SDCCAG8: variants seen among roughly 807,000 people sequenced by gnomAD.
SDCCAG8 encodes serologically defined colon cancer antigen 8.
In SDCCAG8, 74 loss-of-function variants were observed where a neutral mutation model predicts 101.8. The observed-to-expected ratio is 0.73, with a 90% CI of 0.60 to 0.88. The LOEUF (loss-of-function observed/expected upper bound fraction) is 0.88. Ranked by LOEUF, SDCCAG8 falls within the 40% of genes least tolerant of loss-of-function variation. The pLI, the probability that SDCCAG8 is intolerant of heterozygous loss-of-function variation, is 0.00. For synonymous variants in SDCCAG8, 281 were observed against 292.9 expected (o/e 0.96, Z 0.41); for missense variants, 787 against 822.6 (o/e 0.96, Z 0.53).
At chr1:243,448,690 T>C (rs975619062) in intron 16 of SDCCAG8, among the ~76,000 whole-genome samples, 1 of 152,190 alleles carries the variant, frequency 6.6e-6, no homozygotes, top group African/African-American at 2.4e-5. Context: ...GACAGCAGTT[T>C]GCTCAAATGT....
At chr1:243,314,545 T>C (rs1438065014) in intron 8 of SDCCAG8, among the ~76,000 whole-genome samples, 1 of 152,216 alleles carries the variant, frequency 6.6e-6, no homozygotes, top group Admixed American at 6.5e-5. Flanking sequence ...TTCTTGTTGT[T>C]TATTCTGTTG....
chr1:243,283,401 T>A (rs2069251495), intron 4 of SDCCAG8, among the ~76,000 whole-genome samples: 1 of 146,794 alleles, frequency 6.8e-6, no homozygotes, highest in African/African-American at 2.5e-5. Context: ...CCCTGTTTAT[T>A]TATATATATA....
intron 17 of SDCCAG8, among the ~76,000 whole-genome samples, chr1:243,497,226 A>C (rs1053369059): frequency 2.6e-5 from 4 of 152,102 alleles, no homozygotes; most frequent in Admixed American, 1.3e-4. Context: ...GTGTGTTACC[A>C]AAGAGTCAGC....
intron 9 of SDCCAG8, among the ~76,000 whole-genome samples, chr1:243,319,965 T>C (rs2073612238): frequency 6.6e-6 from 1 of 152,168 alleles, no homozygotes. Flanking sequence ...GCATTCTTTC[T>C]TTTTATCTCT....
In SDCCAG8 at chr1:243,499,872, G is replaced by A; in HGVS notation, c.*87G>A. ...GACTTAATATGCCACAACGCACCACGACCTTCCCAGGGTGACACCGCCTCA... is the reference window on the plus strand; with the variant it reads ...GACTTAATATGCCACAACGCACCACAACCTTCCCAGGGTGACACCGCCTCA... On this transcript the variant is annotated 3_prime_UTR_variant, in exon 18 of 18. Coordinates refer to ENST00000366541, the MANE Select transcript of SDCCAG8 (RefSeq NM_006642.5). The A allele has an allele frequency of 3.8e-6, 5 of 1,316,998 alleles. No homozygotes were observed. Among genetic ancestry groups the A allele is most frequent in the Admixed American group, 1.7e-5 (1 of 57,822 alleles). 81.6% of individuals were successfully genotyped at this position (1,316,998 alleles called of 1,614,324 possible). A position where few individuals can be genotyped will look rare whatever the true frequency, so the allele number is the denominator to read the frequency against.
At chr1:243,328,197 C>T (rs2074339356) in intron 9 of SDCCAG8, among the ~76,000 whole-genome samples, 3 of 151,994 alleles carry the variant, frequency 2.0e-5, no homozygotes, top group South Asian at 2.1e-4. Flanking sequence ...CCACTGTGCC[C>T]GGCCTTAGAA....
chr1:243,402,131 T>A (rs7532976), intron 13 of SDCCAG8, among the ~76,000 whole-genome samples: 1 of 152,088 alleles, frequency 6.6e-6, no homozygotes, highest in Non-Finnish European at 1.5e-5. Context: ...AACCACATTT[T>A]AAAAAGTAAA....
intron 9 of SDCCAG8, among the ~76,000 whole-genome samples, chr1:243,323,103 C>T (rs1252853337): frequency 6.6e-6 from 1 of 151,656 alleles, no homozygotes; most frequent in African/African-American, 2.4e-5. Context: ...CCACTGCACT[C>T]CAGCCTGGCA....
chr1:243,333,919 A>C (rs899621918), intron 10 of SDCCAG8, among the ~76,000 whole-genome samples: 1 of 151,860 alleles, frequency 6.6e-6, no homozygotes, highest in Non-Finnish European at 1.5e-5. Context: ...AATTCCATGT[A>C]TATATAGCCT....
intron 3 of SDCCAG8, among the ~76,000 whole-genome samples, chr1:243,272,953 G>A: frequency 6.6e-6 from 1 of 152,140 alleles, no homozygotes; most frequent in South Asian, 2.1e-4. Context: ...GCCCTTCAAA[G>A]TAGACACAAA....
chr1:243,290,033 G>A (rs755983226), intron 5 of SDCCAG8, among the ~76,000 whole-genome samples: 1 of 151,810 alleles, frequency 6.6e-6, no homozygotes, highest in Non-Finnish European at 1.5e-5. Flanking sequence ...ATTTCCTCAT[G>A]GAAAGCTTTT....
At chr1:243,390,040 T>C (rs2078606706) in intron 13 of SDCCAG8, among the ~76,000 whole-genome samples, 1 of 152,224 alleles carries the variant, frequency 6.6e-6, no homozygotes. Context: ...GAACTCATCT[T>C]AAGATAACAA....
At chr1:243,420,229 C>T (rs910999188) in intron 15 of SDCCAG8, among the ~76,000 whole-genome samples, 2 of 152,184 alleles carry the variant, frequency 1.3e-5, no homozygotes, top group African/African-American at 4.8e-5. Context: ...CCCCAAACCT[C>T]AGCTTCTCCT....
chr1:243,460,608 A>G (rs1658880233), intron 16 of SDCCAG8, among the ~76,000 whole-genome samples: 1 of 152,210 alleles, frequency 6.6e-6, no homozygotes, highest in African/African-American at 2.4e-5. Flanking sequence ...TTCACAAGCT[A>G]TAGGTAGAGC....
At chr1:243,378,541 C>A (rs765559588) in intron 12 of SDCCAG8, among the ~76,000 whole-genome samples, 180 bp from the exon 13 acceptor site, 1 of 152,076 alleles carries the variant, frequency 6.6e-6, no homozygotes, top group Non-Finnish European at 1.5e-5. Flanking sequence ...CAAAATAAAA[C>A]CTCATTCATG....
chr1:243,493,962 C>T (rs568733538), intron 17 of SDCCAG8, among the ~76,000 whole-genome samples: 246 of 152,088 alleles, frequency 1.6e-3, no homozygotes, highest in Non-Finnish European at 1.5e-3. Context: ...GGCTGCAAGG[C>T]GGAGCTGCTG....
chr1:243,370,904 A>G (rs573336367), intron 12 of SDCCAG8, among the ~76,000 whole-genome samples: 48 of 152,272 alleles, frequency 3.2e-4, no homozygotes, highest in African/African-American at 1.1e-3. Context: ...AAAATGTTGC[A>G]TATTTTATTG....
At position 243,318,977 on chromosome 1, in the gene SDCCAG8, T is replaced by C. The variant is rs142450227; in HGVS notation, c.1068+2084T>C. On this transcript the variant is annotated intron_variant, in intron 9 of 17. Coordinates refer to ENST00000366541, the MANE Select transcript of SDCCAG8 (RefSeq NM_006642.5). The stretch of plus-strand genomic sequence containing the variant: ...GTAAGTGGTTTATTTTGGCTCATGT[T>C]GTGCAGGCTGCATACGAAGCATGGT... Among the ~76,000 whole-genome samples the C allele has an allele frequency of 7.2e-3, 1,091 of 152,296 alleles. 15 individuals are homozygous for C. Among genetic ancestry groups the C allele is most frequent in the Middle Eastern group, 0.01 (3 of 294 alleles).
intron 16 of SDCCAG8, among the ~76,000 whole-genome samples, chr1:243,484,515 C>G (rs532875319): frequency 5.5e-4 from 84 of 152,352 alleles, no homozygotes; most frequent in African/African-American, 1.8e-3. Context: ...AAGTCTAGTG[C>G]CCGACATAAA....
Sources: gnomAD v4.1 joint callset for allele counts (sites outside exome capture counted in the v4.1 genomes callset) on GRCh38, gnomAD v4.1.1 for gene constraint, MANE v1.5 for transcripts, NCBI Gene and HGNC (gene_info 2026-07-23, HGNC 2026-07-21) for gene names.